POM121: variants seen among roughly 807,000 people sequenced by gnomAD.
POM121 encodes the protein POM121 transmembrane nucleoporin.
In POM121, 32 loss-of-function variants were observed where a neutral mutation model predicts 81.3. The ratio of observed to expected loss-of-function variants is 0.39; its 90% confidence interval spans 0.30 to 0.53. POM121 has a LOEUF of 0.53. Ranked by LOEUF, POM121 falls within the 20% of genes least tolerant of loss-of-function variation. The pLI, the probability that POM121 is intolerant of heterozygous loss-of-function variation, is 0.66. For missense variants in POM121, 1,138 were observed against 1,614.6 expected (o/e 0.70, Z 5.06); for synonymous variants, 514 against 694.2 (o/e 0.74, Z 4.08).
At chr7:72,894,079 C>T (rs1306578008) in intron 3 of POM121, among the ~76,000 whole-genome samples, 2 of 152,022 alleles carry the variant, frequency 1.3e-5, no homozygotes, top group African/African-American at 4.8e-5. Flanking sequence ...CCAGACCAAC[C>T]TGGCCAACAG....
At position 72,898,458 on chromosome 7, in the gene POM121, A is replaced by T. The variant is rs533175783; in HGVS notation, c.-216+7348A>T. On this transcript the variant is annotated intron_variant, in intron 3 of 15. Transcript: ENST00000395270. ...ATGGAAACATCAAGTAGGCAGTTGC[A>T]TATGTTGGTTTTGAGTTTAGGGATG... 1.0e-3 allele frequency among the ~76,000 whole-genome samples: 153 copies of T among 152,232 alleles called. 1 individual carries two copies. The highest frequency in any genetic ancestry group is 3.4e-3 in the Middle Eastern group (1 of 294).
intron 4 of POM121, among the ~76,000 whole-genome samples, chr7:72,917,702 G>T (rs1374293753): frequency 5.3e-5 from 8 of 152,178 alleles, no homozygotes; most frequent in African/African-American, 1.9e-4. Context: ...CCACAGGGTC[G>T]GTGGGCTTCT....
Position 72,928,446 on chromosome 7 carries a change from C to G in POM121, c.1084C>G (p.Pro362Ala), listed in dbSNP as rs782717773. ...AFEPLVANGV[P>A]ASFVPKPGSL... ...TGAGCCCCTGGTGGCCAATGGAGTC[C>G]CCGCTTCTTTTGTGCCTAAGTAAGT... The change falls in exon 4 of 13, where the codon CCC becomes GCC. Residue 362 changes from proline (P) to alanine (A), a missense_variant. Around this residue, in one of 7 missense-constraint regions of POM121, gnomAD observed 646 missense variants for 633.5 expected, o/e 1.02. Transcript: ENST00000434423. 12 of 1,614,164 alleles carry G rather than the reference C, an allele frequency of 7.4e-6. No homozygotes were observed. Among genetic ancestry groups the G allele is most frequent in the Non-Finnish European group, 1.0e-5 (12 of 1,180,016 alleles).
At chr7:72,945,796 TGAA>T (rs1554503084) in intron 12 of POM121, 88 bp downstream of exon 12, 1 of 1,515,090 alleles carries the variant, frequency 6.6e-7, no homozygotes, top group East Asian at 2.4e-5. Flanking sequence ...TGAGGCCCGG[TGAA>T]GATCAGGTTC....
rs1797714768 is a variant in POM121 at position 72,946,600 on chromosome 7, G to C, written c.*366G>C. The stretch of plus-strand genomic sequence containing the variant: ...CCCGAGACCGTCGTCGCTGGAGGGG[G>C]CAGGGTCCAGCCCGCCTGGATCGGT... On this transcript the variant is annotated 3_prime_UTR_variant, in exon 13 of 13. Coordinates refer to ENST00000434423, the MANE Select transcript of POM121 (RefSeq NM_001387691.1). 4.8e-5 allele frequency: 49 copies of C among 1,031,558 alleles called. 1 individual carries two copies. The South Asian group carries it at 1.8e-3, about 37-fold the overall frequency. 63.9% of individuals were successfully genotyped at this position (1,031,558 alleles called of 1,614,324 possible). A position where few individuals can be genotyped will look rare whatever the true frequency, so the allele number is the denominator to read the frequency against.
downstream of POM121, chr7:72,948,886 C>G (rs541358633): frequency 6.1e-5 from 99 of 1,610,802 alleles, 3 homozygotes; most frequent in South Asian, 9.9e-4. Context: ...GGCGCACGCC[C>G]TGTACCTGAA....
chr7:72,879,680 G>A (rs1347101207), exon 1 of POM121: 24 of 418,630 alleles, frequency 5.7e-5, no homozygotes, highest in Middle Eastern at 1.6e-3. Context: ...GTCGCTGTAC[G>A]GTGAGCCCCA....
At chr7:72,910,786 C>T (rs1456291090) in intron 3 of POM121, among the ~76,000 whole-genome samples, 1 of 151,836 alleles carries the variant, frequency 6.6e-6, no homozygotes, top group Non-Finnish European at 1.5e-5. Context: ...AGATGAGGCT[C>T]CTTTTGCGGG....
At chr7:72,926,775 C>T in intron 2 of POM121, 27 bp from the exon 3 acceptor site, 7 of 1,608,212 alleles carry the variant, frequency 4.4e-6, no homozygotes, top group Middle Eastern at 1.7e-4. Context: ...AAATATCTTA[C>T]AGCTAGAATC....
intron 3 of POM121, among the ~76,000 whole-genome samples, chr7:72,897,208 G>A (rs1792054081): frequency 6.6e-6 from 1 of 152,102 alleles, no homozygotes; most frequent in Non-Finnish European, 1.5e-5. Context: ...GACAATTACT[G>A]TGACGGGAAA....
In POM121 at chr7:72,940,141, C is replaced by T. The variant is rs557169668; in HGVS notation, c.1563+173C>T. Among the ~76,000 whole-genome samples, 35 of 148,480 alleles carry T rather than the reference C, an allele frequency of 2.4e-4. 1 individual carries two copies. The South Asian group carries it at 5.3e-3, about 23-fold the overall frequency. On this transcript the variant is annotated intron_variant, in intron 8 of 12. Coordinates refer to ENST00000434423, the MANE Select transcript of POM121 (RefSeq NM_001387691.1). ...GTGCAGTGGCTCGATTTTGGCTAAC[C>T]GTAACCTCTGCCTCCTGAGTTCAAG...
intron 3 of POM121, among the ~76,000 whole-genome samples, chr7:72,904,705 T>G (rs1793064735): frequency 6.6e-6 from 1 of 152,204 alleles, no homozygotes; most frequent in Non-Finnish European, 1.5e-5. Context: ...TTTGGAGTAT[T>G]AGTCAGTTTT....
downstream of POM121, chr7:72,950,312 G>A (rs1455550063): frequency 1.0e-5 from 10 of 953,376 alleles, 1 homozygote; most frequent in African/African-American, 1.7e-4. Flanking sequence ...TCAACAGGGT[G>A]ATAAGGGAAT....
At chr7:72,938,193 G>A (rs1356672438) in intron 5 of POM121, among the ~76,000 whole-genome samples, 1 of 150,652 alleles carries the variant, frequency 6.6e-6, no homozygotes, top group Non-Finnish European at 1.5e-5. Flanking sequence ...TCTTTTCAGG[G>A]GTCTTTCTTC....
downstream of POM121, chr7:72,949,639 G>C (rs550452265): frequency 2.6e-5 from 17 of 654,678 alleles, no homozygotes; most frequent in Non-Finnish European, 4.1e-5. Flanking sequence ...CAGGGTCAGA[G>C]GTAACTGGCC....
Position 72,925,728 on chromosome 7 carries a change from A to G in POM121, c.607A>G (p.Thr203Ala), listed in dbSNP as rs1259739608. 9.8e-6 allele frequency: 11 copies of G among 1,117,992 alleles called. No individual in the cohort carries two copies. In the Middle Eastern group the frequency reaches 7.3e-4, roughly 74 times the overall value. 69.3% of individuals were successfully genotyped at this position (1,117,992 alleles called of 1,614,324 possible). A position where few individuals can be genotyped will look rare whatever the true frequency, so the allele number is the denominator to read the frequency against. Residue 203 changes from threonine to alanine, a missense_variant, in exon 1 of 13, where the codon ACT (threonine) becomes GCT (alanine). Thr to Ala is a moderately conservative substitution (Grantham distance 58, BLOSUM62 0). Transcript: ENST00000434423. ...TCACCACGTTTACCCCTCTCTGCCC[A>G]CTCCTCTTCTCCGACCCTCCAGGAG... The part of the protein sequence containing the change: ...RAHHVYPSLP[T>A]PLLRPSRRPS...
intron 4 of POM121, among the ~76,000 whole-genome samples, chr7:72,929,361 C>T (rs1218082785): frequency 1.3e-5 from 2 of 152,146 alleles, no homozygotes; most frequent in Admixed American, 6.5e-5. Context: ...TCATGGTTGA[C>T]GTGGGTCACT....
chr7:72,914,768 G>A (rs182853253), intron 4 of POM121, among the ~76,000 whole-genome samples: 1 of 152,156 alleles, frequency 6.6e-6, no homozygotes, highest in African/African-American at 2.4e-5. Flanking sequence ...AGTAGAAGGT[G>A]TGTGTTTCTC....
intron 5 of POM121, among the ~76,000 whole-genome samples, chr7:72,930,945 A>G (rs1795956069): frequency 6.6e-6 from 1 of 152,144 alleles, no homozygotes; most frequent in African/African-American, 2.4e-5. Flanking sequence ...ATTGAGGGTA[A>G]TATTTAAAAA....
Sources: allele counts gnomAD v4.1 joint callset (sites outside exome capture counted in the v4.1 genomes callset), GRCh38; gene constraint gnomAD v4.1.1; regional missense constraint gnomAD v4.1.1; transcripts MANE v1.5; gene names NCBI Gene and HGNC (gene_info 2026-07-23, HGNC 2026-07-21).